TMEFF2: variants seen among roughly 807,000 people sequenced by gnomAD.
TMEFF2 encodes transmembrane protein with EGF like and two follistatin like domains 2, also known as tomoregulin-2.
In TMEFF2, 28 loss-of-function variants were observed where a neutral mutation model predicts 53.8. That is an observed-to-expected ratio of 0.52 (90% CI 0.39 to 0.71). TMEFF2 has a LOEUF of 0.71. Ranked by LOEUF, TMEFF2 falls within the 30% of genes least tolerant of loss-of-function variation. The pLI is 0.00. For synonymous variants in TMEFF2, 162 were observed against 166.3 expected, an observed-to-expected ratio of 0.97 and a Z score of 0.20; for missense variants, 353 against 455.2, an observed-to-expected ratio of 0.78 and a Z score of 2.04.
At chr2:191,989,135 A>C (rs577128273) in intron 7 of TMEFF2, among the ~76,000 whole-genome samples, 2 of 152,320 alleles carry the variant, frequency 1.3e-5, no homozygotes, top group East Asian at 1.9e-4. Context: ...ATAAGGACTG[A>C]GATATATACT....
intron 4 of TMEFF2, among the ~76,000 whole-genome samples, chr2:192,112,578 T>A (rs1249515469): frequency 6.6e-6 from 1 of 152,162 alleles, no homozygotes; most frequent in East Asian, 1.9e-4. Flanking sequence ...GCTTCTGAGT[T>A]AATGCTGAAA....
At chr2:192,047,343 A>G (rs1312221648) in intron 5 of TMEFF2, among the ~76,000 whole-genome samples, 1 of 152,160 alleles carries the variant, frequency 6.6e-6, no homozygotes, top group Non-Finnish European at 1.5e-5. Context: ...CCAGATAAAC[A>G]TCTCCTAATA....
At chr2:192,122,578 G>A (rs1259868216) in intron 4 of TMEFF2, among the ~76,000 whole-genome samples, 2 of 152,014 alleles carry the variant, frequency 1.3e-5, no homozygotes, top group Non-Finnish European at 2.9e-5. Flanking sequence ...ATACGGCTTC[G>A]GTACTGATCA....
chr2:191,963,266 A>G (rs1447392574), intron 7 of TMEFF2, among the ~76,000 whole-genome samples: 1 of 152,178 alleles, frequency 6.6e-6, no homozygotes, highest in Admixed American at 6.5e-5. Context: ...TGCTAAGAAT[A>G]TATTTATTCT....
At chr2:191,969,239 A>C (rs1692562386) in intron 7 of TMEFF2, among the ~76,000 whole-genome samples, 1 of 152,022 alleles carries the variant, frequency 6.6e-6, no homozygotes, top group Non-Finnish European at 1.5e-5. Flanking sequence ...TAAATAAATG[A>C]ATATTATAGG....
intron 4 of TMEFF2, among the ~76,000 whole-genome samples, chr2:192,075,236 G>A (rs1175407486): frequency 1.4e-5 from 2 of 139,018 alleles, no homozygotes; most frequent in East Asian, 4.4e-4. Context: ...GGATTAGCAT[G>A]CCTATCTCAT....
intron 6 of TMEFF2, among the ~76,000 whole-genome samples, chr2:191,998,627 T>G (rs879446998): frequency 6.6e-6 from 1 of 151,890 alleles, no homozygotes; most frequent in Non-Finnish European, 1.5e-5. Flanking sequence ...AGAAAGAAAA[T>G]AGAACATTCT....
At chr2:192,141,832 A>T (rs1206402605) in intron 4 of TMEFF2, among the ~76,000 whole-genome samples, 1 of 152,176 alleles carries the variant, frequency 6.6e-6, no homozygotes, top group East Asian at 1.9e-4. Context: ...ACAACTAAGG[A>T]TATTTGTATT....
intron 5 of TMEFF2, among the ~76,000 whole-genome samples, chr2:192,053,712 G>A (rs1409387399): frequency 2.0e-5 from 3 of 152,160 alleles, no homozygotes; most frequent in South Asian, 2.1e-4. Flanking sequence ...AATCAATAGC[G>A]TATCAACGCT....
chr2:192,151,932 C>T (rs568285445), intron 4 of TMEFF2, among the ~76,000 whole-genome samples: 65 of 151,684 alleles, frequency 4.3e-4, no homozygotes, highest in Admixed American at 9.2e-4. Context: ...GCAGATGTTC[C>T]ATGTTGGCTA....
At chr2:192,032,965 G>T (rs1037618372) in intron 5 of TMEFF2, among the ~76,000 whole-genome samples, 7 of 152,082 alleles carry the variant, frequency 4.6e-5, no homozygotes, top group Non-Finnish European at 8.8e-5. Flanking sequence ...CTTGGTTTAA[G>T]CTCTTTATTT....
intron 7 of TMEFF2, among the ~76,000 whole-genome samples, chr2:191,964,360 C>CT (rs1382552112): frequency 9.7e-6 from 1 of 102,908 alleles, no homozygotes; most frequent in African/African-American, 4.5e-5. Context: ...TTCTTTCTTT[C>CT]TTTCTTTCTT....
intron 4 of TMEFF2, among the ~76,000 whole-genome samples, chr2:192,172,486 A>T (rs978851414): frequency 1.2e-4 from 18 of 151,932 alleles, no homozygotes; most frequent in Non-Finnish European, 1.0e-4. Flanking sequence ...CTAGAGCTCT[A>T]GAATATGTGC....
At chr2:192,116,924 T>C (rs1188617223) in intron 4 of TMEFF2, among the ~76,000 whole-genome samples, 1 of 141,912 alleles carries the variant, frequency 7.0e-6, no homozygotes, top group African/African-American at 2.6e-5. Flanking sequence ...TATGGCTCAA[T>C]AGTCATTCAG....
At chr2:192,055,439 A>G (rs1687878914) in intron 5 of TMEFF2, among the ~76,000 whole-genome samples, 1 of 152,132 alleles carries the variant, frequency 6.6e-6, no homozygotes, top group Non-Finnish European at 1.5e-5. Context: ...GGGAACCACA[A>G]ATTCATCAGC....
intron 4 of TMEFF2, among the ~76,000 whole-genome samples, chr2:192,133,032 T>C (rs774756586): frequency 6.6e-5 from 10 of 152,036 alleles, no homozygotes; most frequent in African/African-American, 1.7e-4. Flanking sequence ...CAAGGGCCTG[T>C]TGCCCTTGCC....
chr2:192,097,930 A>G (rs1023324040), intron 4 of TMEFF2, among the ~76,000 whole-genome samples: 5 of 152,182 alleles, frequency 3.3e-5, no homozygotes, highest in Non-Finnish European at 4.4e-5. Context: ...CTCTGTTTTC[A>G]ACAGCAGCTT....
chr2:192,083,676 C>T (rs559928386), intron 4 of TMEFF2, among the ~76,000 whole-genome samples: 1 of 150,910 alleles, frequency 6.6e-6, no homozygotes, highest in African/African-American at 2.4e-5. Flanking sequence ...GCTTTCAAAA[C>T]GCATGTGGTA....
intron 7 of TMEFF2, among the ~76,000 whole-genome samples, chr2:191,971,824 A>T (rs760624032): frequency 1.3e-5 from 2 of 152,242 alleles, no homozygotes; most frequent in Non-Finnish European, 2.9e-5. Flanking sequence ...AACAAAAATC[A>T]ACATCTAAAT....
Sources: allele counts gnomAD v4.1 joint callset (sites outside exome capture counted in the v4.1 genomes callset), GRCh38; gene constraint gnomAD v4.1.1; transcripts MANE v1.5; gene names NCBI Gene and HGNC (gene_info 2026-07-23, HGNC 2026-07-21).